SLC38A6: variants seen among roughly 807,000 people sequenced by gnomAD.
SLC38A6 encodes solute carrier family 38 member 6.
A neutral mutation model predicts 65.0 loss-of-function variants in SLC38A6; 73 were observed. The ratio of observed to expected loss-of-function variants is 1.12; its 90% CI spans 0.93 to 1.37. The LOEUF (loss-of-function observed/expected upper bound fraction) is 1.37, where lower values mean the gene tolerates loss of function less well. Ranked by LOEUF, SLC38A6 falls within the 40% of genes most tolerant of loss-of-function variation. The pLI, the probability that SLC38A6 is intolerant of heterozygous loss-of-function variation, is 0.00. For missense variants in SLC38A6, 561 were observed against 531.1 expected, an observed-to-expected ratio of 1.06 and a Z score of -0.55; for synonymous variants, 183 against 178.8, an observed-to-expected ratio of 1.02 and a Z score of -0.19.
Position 61,046,017 on chromosome 14 carries a change from TACATATA to T in SLC38A6, c.825-48_825-42del, listed in dbSNP as rs770740522. On this transcript the variant is annotated intron_variant, in intron 11 of 15. Transcript: ENST00000267488. ...CCAGCTTAGGACATACTTGTTTCTT[TACATATA>T]ATTCAGATCACTTATTCTACCTTTG... is the stretch of plus-strand genomic sequence containing the variant. 1.7e-5 allele frequency: 20 copies of T among 1,148,678 alleles called. No individual in the cohort carries two copies. The South Asian group carries it at 2.7e-4, about 16-fold the overall frequency. The allele number at this position is 1,148,678 out of a possible 1,614,324, so 71.2% of individuals were successfully genotyped here. A position where few individuals can be genotyped will look rare whatever the true frequency, so the allele number is the denominator to read the frequency against.
intron 15 of SLC38A6, among the ~76,000 whole-genome samples, chr14:61,067,903 A>G (rs2043083758): frequency 6.6e-6 from 1 of 152,012 alleles, no homozygotes; most frequent in Admixed American, 6.6e-5. Flanking sequence ...TCATACTTAC[A>G]TTTTTTCATC....
At chr14:61,011,042 ATCT>A (rs2039524028) in intron 3 of SLC38A6, among the ~76,000 whole-genome samples, 1 of 151,970 alleles carries the variant, frequency 6.6e-6, no homozygotes. Flanking sequence ...ATTTGTTTGT[ATCT>A]TCTTTTATTT....
At chr14:61,020,985 T>C (rs2040316453) in intron 5 of SLC38A6, among the ~76,000 whole-genome samples, 1 of 152,172 alleles carries the variant, frequency 6.6e-6, no homozygotes, top group Admixed American at 6.5e-5. Flanking sequence ...TGTTGTATTC[T>C]TTGTCCCTTT....
intron 8 of SLC38A6, among the ~76,000 whole-genome samples, chr14:61,039,691 T>G (rs2041663714): frequency 6.6e-6 from 1 of 151,974 alleles, no homozygotes; most frequent in Non-Finnish European, 1.5e-5. Context: ...TTTTAGATTC[T>G]CTGAATGTTA....
intron 3 of SLC38A6, among the ~76,000 whole-genome samples, chr14:61,011,749 A>G (rs1279001623): frequency 6.6e-6 from 1 of 152,278 alleles, no homozygotes; most frequent in East Asian, 1.9e-4. Flanking sequence ...ATTATGGTGG[A>G]TAAGCTTTTT....
At chr14:61,049,681 T>A (rs919658375) in intron 12 of SLC38A6, among the ~76,000 whole-genome samples, 3 of 152,214 alleles carry the variant, frequency 2.0e-5, no homozygotes, top group African/African-American at 7.2e-5. Flanking sequence ...CAGAGGTATG[T>A]TTCCTTTTGT....
At chr14:60,997,820 T>C (rs1193677104) in intron 3 of SLC38A6, among the ~76,000 whole-genome samples, 1 of 152,176 alleles carries the variant, frequency 6.6e-6, no homozygotes, top group Non-Finnish European at 1.5e-5. Context: ...CTTGAGCCAC[T>C]GGATTAATGA....
intron 5 of SLC38A6, among the ~76,000 whole-genome samples, chr14:61,023,384 A>G (rs2040439426): frequency 6.6e-6 from 1 of 152,016 alleles, no homozygotes; most frequent in Admixed American, 6.6e-5. Context: ...CAGCCTGGGC[A>G]ACATGGTGAA....
chr14:61,073,328 C>T (rs2043292460), intron 15 of SLC38A6, among the ~76,000 whole-genome samples: 1 of 152,128 alleles, frequency 6.6e-6, no homozygotes, highest in Admixed American at 6.5e-5. Context: ...TCTGAAAGCA[C>T]TTTTATTATG....
intron 15 of SLC38A6, among the ~76,000 whole-genome samples, chr14:61,065,475 C>T (rs2042990788): frequency 6.6e-6 from 1 of 152,176 alleles, no homozygotes; most frequent in Admixed American, 6.5e-5. Flanking sequence ...ACATTTTCAT[C>T]TTTGCAAAAT....
At chr14:61,024,050 G>T (rs111580583) in intron 5 of SLC38A6, among the ~76,000 whole-genome samples, 1,583 of 152,206 alleles carry the variant, frequency 0.01, 25 homozygotes, top group African/African-American at 0.036. Context: ...GGAAGAGAAA[G>T]CCCAGTATAT....
At chr14:60,987,132 C>G (rs2037507539) in intron 3 of SLC38A6, 1 of 335,866 alleles carries the variant, frequency 3.0e-6, no homozygotes, top group Non-Finnish European at 5.6e-6. Flanking sequence ...TGAATTCCTT[C>G]AATCTTTGTA....
chr14:61,034,023 A>G (rs1007755875), intron 6 of SLC38A6: 9 of 152,166 alleles, frequency 5.9e-5, no homozygotes, highest in Non-Finnish European at 4.4e-5. Context: ...TTACAGACAT[A>G]TAAAATGAAG....
At chr14:61,027,592 A>T (rs1016944418) in intron 5 of SLC38A6, among the ~76,000 whole-genome samples, 3 of 152,136 alleles carry the variant, frequency 2.0e-5, no homozygotes, top group Non-Finnish European at 4.4e-5. Flanking sequence ...CATTCCTATC[A>T]ATAGTATATC....
intron 3 of SLC38A6, among the ~76,000 whole-genome samples, chr14:61,014,177 G>A (rs775860591): frequency 1.2e-4 from 18 of 152,096 alleles, no homozygotes; most frequent in Non-Finnish European, 2.1e-4. Flanking sequence ...TGATTGAATC[G>A]GCTACTGAGG....
chr14:61,005,998 G>T (rs1595037870), intron 3 of SLC38A6, among the ~76,000 whole-genome samples: 1 of 152,072 alleles, frequency 6.6e-6, no homozygotes, highest in African/African-American at 2.4e-5. Context: ...CAATGGAACA[G>T]AACAGAGCCC....
chr14:61,068,832 G>A (rs1179527514), intron 15 of SLC38A6, among the ~76,000 whole-genome samples: 2 of 152,140 alleles, frequency 1.3e-5, no homozygotes, highest in African/African-American at 4.8e-5. Context: ...ACTTTGGAGT[G>A]GCTTAATATT....
At chr14:60,984,854 TG>T in intron 3 of SLC38A6, 51 bp downstream of exon 3, 1 of 1,505,308 alleles carries the variant, frequency 6.6e-7, no homozygotes, top group South Asian at 1.1e-5. Flanking sequence ...CTCTTGAGTT[TG>T]TATCTACATA....
intron 15 of SLC38A6, among the ~76,000 whole-genome samples, chr14:61,075,777 TTGTGTGTGTGTGTGTGTGTGTGTG>T (rs57421102): frequency 3.2e-4 from 40 of 123,394 alleles, no homozygotes; most frequent in South Asian, 8.6e-4. Flanking sequence ...ATCAACCTGT[TTGTGTGTGTGTGTGTGTGTGTGTG>T]TGTGTGTGTG....
Sources: gnomAD v4.1 joint callset for allele counts (sites outside exome capture counted in the v4.1 genomes callset) on GRCh38, gnomAD v4.1.1 for gene constraint, MANE v1.5 for transcripts, NCBI Gene and HGNC (gene_info 2026-07-23, HGNC 2026-07-21) for gene names.